The following PDE8A variants were observed in gnomAD, a reference collection of about 807,000 sequenced individuals.
PDE8A encodes phosphodiesterase 8A.
A neutral mutation model predicts 105.0 loss-of-function variants in PDE8A; 59 were observed. The observed-to-expected ratio is 0.56, with a 90% CI of 0.46 to 0.70. The LOEUF is 0.70. Among genes scored for constraint, PDE8A ranks in the 30% least tolerant of loss-of-function variants. The pLI is 0.00. For missense variants in PDE8A, 1,014 were observed against 1,045.9 expected (o/e 0.97, Z 0.42); for synonymous variants, 355 against 371.9 (o/e 0.95, Z 0.52).
chr15:85,091,699 A>G (rs1487753925), intron 8 of PDE8A, among the ~76,000 whole-genome samples: 1 of 152,204 alleles, frequency 6.6e-6, no homozygotes, highest in Non-Finnish European at 1.5e-5. Context: ...ACAGACAAAT[A>G]AAAGTAACTA....
chr15:85,012,995 A>C (rs2141336365), intron 1 of PDE8A, among the ~76,000 whole-genome samples: 1 of 152,356 alleles, frequency 6.6e-6, no homozygotes, highest in East Asian at 1.9e-4. Flanking sequence ...CCTGAAGAAC[A>C]GCCCCATCCA....
At chr15:85,066,284 G>A (rs895542372) in intron 2 of PDE8A, among the ~76,000 whole-genome samples, 2 of 152,102 alleles carry the variant, frequency 1.3e-5, no homozygotes, top group African/African-American at 4.8e-5. Flanking sequence ...CATATGGCCA[G>A]GTGCAGTGGC....
Position 84,982,003 on chromosome 15 carries a change from T to G in PDE8A, c.-160T>G. The G allele has an allele frequency of 2.4e-5, 8 of 329,602 alleles. No homozygotes were observed. Among genetic ancestry groups the G allele is most frequent in the Non-Finnish European group, 3.7e-5 (7 of 190,788 alleles). 20.4% of individuals were successfully genotyped at this position (329,602 alleles called of 1,614,324 possible). On this transcript the variant is annotated 5_prime_UTR_variant, in exon 1 of 22. An upstream open reading frame in the 5' UTR loses its in-frame stop. Coordinates refer to ENST00000394553, the MANE Select transcript of PDE8A (RefSeq NM_002605.3). ...CGCCGCCGCAGCGCCCGCACCGCGA[T>G]AAAAGGGGCGGCCGCGTTTCCTGAC... is the stretch of plus-strand genomic sequence containing the variant.
At chr15:85,031,488 G>A (rs1235134264) in intron 1 of PDE8A, among the ~76,000 whole-genome samples, 2 of 152,034 alleles carry the variant, frequency 1.3e-5, no homozygotes, top group African/African-American at 2.4e-5. Context: ...GACCTACCCT[G>A]ATTCTTGCCT....
chr15:85,004,398 G>T (rs557992367), intron 1 of PDE8A, among the ~76,000 whole-genome samples: 1 of 152,314 alleles, frequency 6.6e-6, no homozygotes, highest in South Asian at 2.1e-4. Flanking sequence ...AGACTATGGA[G>T]TGGTTGGGGG....
chr15:85,125,044 T>A (rs1184540298), intron 19 of PDE8A, among the ~76,000 whole-genome samples: 1 of 152,208 alleles, frequency 6.6e-6, no homozygotes, highest in Non-Finnish European at 1.5e-5. Flanking sequence ...ATAGTCACAC[T>A]GCAGGTATTA....
At chr15:85,071,541 C>T (rs2081310741) in intron 3 of PDE8A, among the ~76,000 whole-genome samples, 1 of 152,230 alleles carries the variant, frequency 6.6e-6, no homozygotes, top group East Asian at 1.9e-4. Context: ...CAAATTGCAT[C>T]AGTTCTCAGG....
intron 1 of PDE8A, among the ~76,000 whole-genome samples, chr15:85,004,228 G>A (rs1357930746): frequency 1.3e-5 from 2 of 152,186 alleles, no homozygotes; most frequent in Non-Finnish European, 2.9e-5. Flanking sequence ...GTGGGATTGA[G>A]CTCATTTCCA....
intron 1 of PDE8A, among the ~76,000 whole-genome samples, chr15:84,984,437 A>C (rs2079769157): frequency 6.6e-6 from 1 of 152,224 alleles, no homozygotes; most frequent in Non-Finnish European, 1.5e-5. Context: ...AATTTAGCAA[A>C]ATTAAATCAT....
chr15:85,116,018 C>T lies in PDE8A; in HGVS notation c.1434C>T (p.Pro478=). 6.2e-7 allele frequency: 1 copy of T among 1,613,164 alleles called. No individual in the cohort carries two copies. The highest frequency in any genetic ancestry group is 8.5e-7 in the Non-Finnish European group (1 of 1,179,118). ...TGGTTTCAAGCAATATAATCACTCC[C>T]ATCTCCCTTGATGATGTCCCACCAC... ...TQMVSSNIIT[P]ISLDDVPPRI... Residue 478 remains proline (P), a synonymous_variant, in exon 16 of 22, where the codon CCC becomes CCT. Coordinates refer to ENST00000394553, the MANE Select transcript of PDE8A (RefSeq NM_002605.3).
intron 1 of PDE8A, among the ~76,000 whole-genome samples, chr15:84,990,415 C>G (rs2079869133): frequency 1.3e-5 from 2 of 152,200 alleles, no homozygotes; most frequent in Non-Finnish European, 2.9e-5. Flanking sequence ...CCAGCAACCA[C>G]TGTTCTGAAT....
chr15:85,120,816 A>T lies in PDE8A; in HGVS notation c.1754A>T (p.Asp585Val). Residue 585 changes from aspartate to valine, a missense_variant, in exon 18 of 22, where the codon GAT becomes GTT. Asp to Val is a radical substitution (Grantham distance 152). Coordinates refer to ENST00000394553, the MANE Select transcript of PDE8A (RefSeq NM_002605.3). The stretch of plus-strand genomic sequence containing the variant: ...TTTCAGGAAACTTTAGATCCAATTG[A>T]TGAGGTCGCTGCACTCATCGCAGCC... ...ERIKETLDPI[D>V]EVAALIAATI... 1 of 1,608,144 alleles carries T rather than the reference A, an allele frequency of 6.2e-7. No homozygotes were observed. The highest frequency in any genetic ancestry group is 8.5e-7 in the Non-Finnish European group (1 of 1,177,312).
chr15:85,085,815 C>G (rs984777058), intron 6 of PDE8A, among the ~76,000 whole-genome samples: 2 of 151,992 alleles, frequency 1.3e-5, no homozygotes, highest in African/African-American at 4.8e-5. Flanking sequence ...CGAGACCAGC[C>G]TGGCCAACAT....
At chr15:84,982,439 A>ACCCGGCCTCG (rs2079731515) in intron 1 of PDE8A, 91 bp downstream of exon 1, 4 of 785,928 alleles carry the variant, frequency 5.1e-6, no homozygotes, top group Non-Finnish European at 7.1e-6. Flanking sequence ...GGTCCCCCCC[A>ACCCGGCCTCG]CCCGGCCTCG....
rs147761305 is a variant in PDE8A at position 85,028,144 on chromosome 15, C to A, written c.187-36226C>A. Reference sequence around the variant, plus strand: ...TTTGAATATATATGTACATGGTACACAATGTTATGATTTTCCTTAGGAGAT... The same window carrying A: ...TTTGAATATATATGTACATGGTACAAAATGTTATGATTTTCCTTAGGAGAT... On this transcript the variant is annotated intron_variant, in intron 1 of 21. Transcript: ENST00000394553. 3.1e-3 allele frequency among the ~76,000 whole-genome samples: 469 copies of A among 152,250 alleles called. 4 individuals carry two copies. Among genetic ancestry groups the A allele is most frequent in the African/African-American group, 0.011 (438 of 41,540 alleles).
intron 20 of PDE8A, among the ~76,000 whole-genome samples, chr15:85,130,254 A>T (rs1345921359): frequency 6.6e-6 from 1 of 152,148 alleles, no homozygotes; most frequent in Admixed American, 6.5e-5. Context: ...CCATGACCCA[A>T]ACACATCCCA....
chr15:85,006,140 C>T (rs1049033468), intron 1 of PDE8A, among the ~76,000 whole-genome samples: 1 of 152,072 alleles, frequency 6.6e-6, no homozygotes, highest in Non-Finnish European at 1.5e-5. Context: ...GGAGGGATAG[C>T]ATTAGGAGAC....
intron 1 of PDE8A, among the ~76,000 whole-genome samples, chr15:85,008,357 G>A (rs149303585): frequency 5.3e-5 from 8 of 152,012 alleles, no homozygotes; most frequent in Non-Finnish European, 8.8e-5. Context: ...GCTGATACCC[G>A]TAATACTCTG....
intron 11 of PDE8A, among the ~76,000 whole-genome samples, chr15:85,105,817 GC>G (rs1425859582): frequency 6.6e-6 from 1 of 152,158 alleles, no homozygotes. Context: ...TAAGCATGAG[GC>G]CCTGGGCGCA....
Sources: allele counts gnomAD v4.1 joint callset (sites outside exome capture counted in the v4.1 genomes callset), GRCh38; gene constraint gnomAD v4.1.1; transcripts MANE v1.5; gene names NCBI Gene and HGNC (gene_info 2026-07-23, HGNC 2026-07-21).